Variants in ANKS1B observed in about 807,000 individuals in gnomAD.
ANKS1B encodes the protein ankyrin repeat and sterile alpha motif domain-containing protein 1B.
A neutral mutation model predicts 148.3 loss-of-function variants in ANKS1B; 36 were observed. That is an observed-to-expected ratio of 0.24 (90% CI 0.19 to 0.32). The LOEUF (loss-of-function observed/expected upper bound fraction) is 0.32. Ranked by LOEUF, ANKS1B falls within the 10% of genes least tolerant of loss-of-function variation. The pLI is 1.00. For missense variants in ANKS1B, 1,157 were observed against 1,542.6 expected (o/e 0.75, Z 4.19); for synonymous variants, 542 against 560.8 (o/e 0.97, Z 0.47).
intron 10 of ANKS1B, among the ~76,000 whole-genome samples, chr12:99,480,393 T>A (rs930506467): frequency 8.6e-5 from 13 of 151,820 alleles, no homozygotes; most frequent in African/African-American, 3.1e-4. Context: ...ATAAAGGAAT[T>A]TTTTTGTTTT....
intron 17 of ANKS1B, among the ~76,000 whole-genome samples, chr12:98,941,978 C>T (rs1195455747): frequency 6.6e-6 from 1 of 152,150 alleles, no homozygotes; most frequent in Non-Finnish European, 1.5e-5. Context: ...CACAGTGGCT[C>T]ACGCCTGTAA....
At chr12:99,905,338 A>G (rs1346631295) in intron 1 of ANKS1B, among the ~76,000 whole-genome samples, 1 of 152,246 alleles carries the variant, frequency 6.6e-6, no homozygotes, top group Non-Finnish European at 1.5e-5. Flanking sequence ...TGGTCAATTA[A>G]AAATCAAGCA....
intron 8 of ANKS1B, among the ~76,000 whole-genome samples, chr12:99,663,842 A>G (rs1310361229): frequency 6.6e-6 from 1 of 152,164 alleles, no homozygotes; most frequent in Non-Finnish European, 1.5e-5. Context: ...GAGACATTAC[A>G]ATTCCTCTGA....
At chr12:99,581,947 C>T (rs894077591) in intron 9 of ANKS1B, among the ~76,000 whole-genome samples, 1 of 147,840 alleles carries the variant, frequency 6.8e-6, no homozygotes, top group African/African-American at 2.5e-5. Context: ...AAGCCATAAA[C>T]TTGGATTAAA....
intron 9 of ANKS1B, chr12:99,648,001 G>A: frequency 1.2e-6 from 1 of 846,924 alleles, no homozygotes; most frequent in Non-Finnish European, 1.8e-6. Flanking sequence ...TGAGCGGTTG[G>A]TAATCAATAC....
chr12:98,889,621 T>C (rs2099747974), intron 17 of ANKS1B, among the ~76,000 whole-genome samples: 1 of 152,238 alleles, frequency 6.6e-6, no homozygotes, highest in Non-Finnish European at 1.5e-5. Flanking sequence ...GCTGGGATTA[T>C]AGGCGTGAGC....
intron 15 of ANKS1B, among the ~76,000 whole-genome samples, chr12:99,136,249 A>G (rs1311216783): frequency 1.3e-5 from 2 of 152,066 alleles, no homozygotes; most frequent in Admixed American, 6.5e-5. Flanking sequence ...GGCTTCCCAC[A>G]CCCCACGAGT....
intron 9 of ANKS1B, among the ~76,000 whole-genome samples, chr12:99,652,238 C>T (rs946490664): frequency 6.6e-6 from 1 of 151,784 alleles, no homozygotes; most frequent in Admixed American, 6.6e-5. Flanking sequence ...TTTGGGAAGC[C>T]GAGGCGGGCA....
chr12:99,316,277 A>C (rs889340332), intron 12 of ANKS1B, among the ~76,000 whole-genome samples: 7 of 152,346 alleles, frequency 4.6e-5, no homozygotes, highest in Non-Finnish European at 1.0e-4. Context: ...ACTAGTTTAC[A>C]GTCCCACCAA....
chr12:99,495,711 T>G (rs914328298), intron 10 of ANKS1B, among the ~76,000 whole-genome samples: 2 of 152,180 alleles, frequency 1.3e-5, no homozygotes, highest in Admixed American at 1.3e-4. Flanking sequence ...GGCTCAAAAA[T>G]AGTTTGCTCT....
chr12:99,705,573 C>T (rs2055616870), intron 8 of ANKS1B, among the ~76,000 whole-genome samples: 1 of 152,100 alleles, frequency 6.6e-6, no homozygotes, highest in African/African-American at 2.4e-5. Flanking sequence ...TTATTCTCAA[C>T]ACTAGAATTT....
intron 16 of ANKS1B, among the ~76,000 whole-genome samples, chr12:99,074,193 G>A (rs1340181773): frequency 6.6e-6 from 1 of 152,084 alleles, no homozygotes; most frequent in East Asian, 1.9e-4. Context: ...CGGCTGCTGG[G>A]GATAGCAATA....
chr12:99,583,715 T>G (rs78097870), intron 9 of ANKS1B, among the ~76,000 whole-genome samples: 2,220 of 152,296 alleles, frequency 0.015, 49 homozygotes, highest in African/African-American at 0.051. Flanking sequence ...CTAGGCAAGT[T>G]AAAGCACAGA....
intron 8 of ANKS1B, chr12:99,772,621 T>A (rs1233481595): frequency 1.5e-5 from 3 of 199,106 alleles, no homozygotes; most frequent in Non-Finnish European, 3.0e-5. Context: ...GGAACCAACA[T>A]CATTATGCCC....
intron 1 of ANKS1B, among the ~76,000 whole-genome samples, chr12:99,879,819 C>G (rs1191133161): frequency 6.6e-6 from 1 of 152,138 alleles, no homozygotes; most frequent in Non-Finnish European, 1.5e-5. Flanking sequence ...AGGTAAGTCT[C>G]TAATTATGAA....
chr12:99,918,960 G>C (rs2094260630), intron 1 of ANKS1B, among the ~76,000 whole-genome samples: 1 of 152,102 alleles, frequency 6.6e-6, no homozygotes, highest in Non-Finnish European at 1.5e-5. Flanking sequence ...ATAAGTTCAA[G>C]GTAACAGTTG....
intron 8 of ANKS1B, among the ~76,000 whole-genome samples, chr12:99,680,729 G>C (rs1273287234): frequency 6.6e-6 from 1 of 152,148 alleles, no homozygotes; most frequent in African/African-American, 2.4e-5. Flanking sequence ...TCAGCTCTTA[G>C]TGGGTAGGCT....
chr12:99,338,512 T>C (rs969062203), intron 12 of ANKS1B, among the ~76,000 whole-genome samples: 2 of 152,142 alleles, frequency 1.3e-5, no homozygotes, highest in African/African-American at 4.8e-5. Flanking sequence ...TGCTTTGTGC[T>C]CTACTCCACT....
In ANKS1B at chr12:99,492,177, A is replaced by G. The variant is rs533487747; in HGVS notation, c.1438+12299T>C. On this transcript the variant is annotated intron_variant, in intron 10 of 26. Transcript: ENST00000683438. Reference sequence around the variant, plus strand: ...TAGTTAAACTAATAAAGAAGAAAAGAGAGAAGGTCTAAATAAACACAATCA... The same window carrying G: ...TAGTTAAACTAATAAAGAAGAAAAGGGAGAAGGTCTAAATAAACACAATCA... Among the ~76,000 whole-genome samples the G allele has an allele frequency of 1.4e-4, 21 of 152,316 alleles. No homozygotes were observed. In the East Asian group the frequency reaches 3.9e-3, roughly 28 times the overall value.
Sources: gnomAD v4.1 joint callset for allele counts (sites outside exome capture counted in the v4.1 genomes callset) on GRCh38, gnomAD v4.1.1 for gene constraint, MANE v1.5 for transcripts, NCBI Gene and HGNC (gene_info 2026-07-23, HGNC 2026-07-21) for gene names.